CDH4: variants seen among roughly 807,000 people sequenced by gnomAD.
CDH4 encodes cadherin-4.
A neutral mutation model predicts 86.0 loss-of-function variants in CDH4; 33 were observed. The observed-to-expected ratio is 0.38, with a 90% CI of 0.29 to 0.51. The LOEUF (loss-of-function observed/expected upper bound fraction) is 0.51, where lower values mean the gene tolerates loss of function less well. Ranked by LOEUF, CDH4 falls within the 20% of genes least tolerant of loss-of-function variation. The pLI, the probability that CDH4 is intolerant of heterozygous loss-of-function variation, is 0.86. For synonymous variants in CDH4, 555 were observed against 549.4 expected (o/e 1.01, Z -0.14); for missense variants, 1,114 against 1,307.4 (o/e 0.85, Z 2.28).
rs1321005599 is a variant in CDH4 at position 61,277,239 on chromosome 20, C to T, written c.169+22302C>T. Among the ~76,000 whole-genome samples, 3 of 152,204 alleles carry T rather than the reference C, an allele frequency of 2.0e-5. 1 individual carries two copies. The highest frequency in any genetic ancestry group is 2.9e-5 in the Non-Finnish European group (2 of 68,040). On this transcript the variant is annotated intron_variant, in intron 2 of 15. Coordinates refer to ENST00000614565, the MANE Select transcript of CDH4 (RefSeq NM_001794.5). ...GCCCTCTTTTGCGTCCTCTCCCTTC[C>T]CCTCTACCTGAGCTAAGTAAGATGA...
intron 6 of CDH4, among the ~76,000 whole-genome samples, chr20:61,861,483 A>T (rs903871998): frequency 6.6e-6 from 1 of 152,140 alleles, no homozygotes; most frequent in Non-Finnish European, 1.5e-5. Context: ...AGGCCAATGG[A>T]TGGTCTCCTG....
chr20:61,764,207 A>G (rs2088671861), intron 3 of CDH4, among the ~76,000 whole-genome samples: 1 of 152,226 alleles, frequency 6.6e-6, no homozygotes, highest in African/African-American at 2.4e-5. Flanking sequence ...TGGGGAGAGC[A>G]CAGGCCGCCG....
chr20:61,904,094 G>T (rs919073980), intron 8 of CDH4, among the ~76,000 whole-genome samples: 13 of 152,356 alleles, frequency 8.5e-5, no homozygotes, highest in African/African-American at 3.1e-4. Context: ...CCCAGCGGGG[G>T]ACAGCAGCCA....
At chr20:61,468,587 T>G (rs920149920) in intron 2 of CDH4, among the ~76,000 whole-genome samples, 3 of 152,110 alleles carry the variant, frequency 2.0e-5, no homozygotes, top group African/African-American at 7.2e-5. Flanking sequence ...AAATACACAA[T>G]TAAATTATTG....
intron 6 of CDH4, among the ~76,000 whole-genome samples, chr20:61,868,643 C>T (rs1411563822): frequency 2.0e-5 from 3 of 151,926 alleles, no homozygotes; most frequent in Non-Finnish European, 4.4e-5. Context: ...CCATGCTAAG[C>T]GGTGTCCTCC....
At chr20:61,664,850 TC>T (rs2087305376) in intron 2 of CDH4, among the ~76,000 whole-genome samples, 1 of 152,138 alleles carries the variant, frequency 6.6e-6, no homozygotes, top group African/African-American at 2.4e-5. Flanking sequence ...CGTCTTGGTG[TC>T]CACAATTTAG....
chr20:61,729,073 G>A (rs1226771449), intron 2 of CDH4, among the ~76,000 whole-genome samples: 1 of 152,040 alleles, frequency 6.6e-6, no homozygotes, highest in East Asian at 1.9e-4. Flanking sequence ...GGAATGACAA[G>A]CAAGGCTTTG....
At chr20:61,388,745 C>T (rs1421340983) in intron 2 of CDH4, among the ~76,000 whole-genome samples, 2 of 152,184 alleles carry the variant, frequency 1.3e-5, no homozygotes, top group African/African-American at 4.8e-5. Context: ...CATGTGTATG[C>T]GTGCGCAAAT....
At chr20:61,704,957 C>A (rs2087813874) in intron 2 of CDH4, among the ~76,000 whole-genome samples, 1 of 152,168 alleles carries the variant, frequency 6.6e-6, no homozygotes. Flanking sequence ...TTTGTGAATT[C>A]TCTAATAGTC....
In CDH4 at chr20:61,903,540, T is replaced by TTAAAAA. The variant is rs386394189; in HGVS notation, c.1189-6882_1189-6881insTAAAAA. Among the ~76,000 whole-genome samples, 47 of 90,878 alleles carry TTAAAAA rather than the reference T, an allele frequency of 5.2e-4. 2 individuals are homozygous for TTAAAAA. Among genetic ancestry groups the TTAAAAA allele is most frequent in the African/African-American group, 2.0e-3 (42 of 21,126 alleles). 59.6% of individuals were successfully genotyped at this position (90,878 alleles called of 152,430 possible). ...AGCGTGGGCAGCAGAAGAGACTCCA[T>TTAAAAA]AAAAAAAAAAAAAAAAAAAGTGTAA... On this transcript the variant is annotated intron_variant, in intron 8 of 15. Transcript: ENST00000614565.
At chr20:61,668,252 A>G (rs541860001) in intron 2 of CDH4, among the ~76,000 whole-genome samples, 4 of 152,216 alleles carry the variant, frequency 2.6e-5, no homozygotes, top group African/African-American at 4.8e-5. Context: ...TGTAGGTGCA[A>G]ATGGGTGTGT....
intron 2 of CDH4, among the ~76,000 whole-genome samples, chr20:61,304,214 G>A (rs769452578): frequency 1.6e-4 from 24 of 152,020 alleles, no homozygotes; most frequent in African/African-American, 5.1e-4. Context: ...CCCATCCTCC[G>A]AACGCAGTTC....
At chr20:61,673,941 A>C (rs1221993923) in intron 2 of CDH4, among the ~76,000 whole-genome samples, 2 of 152,206 alleles carry the variant, frequency 1.3e-5, no homozygotes, top group African/African-American at 4.8e-5. Context: ...CCAAATTGGC[A>C]CCCATTGAAA....
intron 2 of CDH4, among the ~76,000 whole-genome samples, chr20:61,625,403 A>G (rs1216871498): frequency 6.6e-6 from 1 of 151,904 alleles, no homozygotes; most frequent in Non-Finnish European, 1.5e-5. Flanking sequence ...TGGCATCTTT[A>G]TTATGGATTT....
intron 2 of CDH4, among the ~76,000 whole-genome samples, chr20:61,735,098 C>T (rs2088245658): frequency 6.6e-6 from 1 of 152,112 alleles, no homozygotes; most frequent in South Asian, 2.1e-4. Context: ...AGGAGGGACC[C>T]TGCCCTGGGC....
Position 61,923,718 on chromosome 20 carries a change from AC to A in CDH4, c.1628+15del, listed in dbSNP as rs774523655. 20 of 1,610,718 alleles carry A rather than the reference AC, an allele frequency of 1.2e-5. No individual in the cohort carries two copies. In the East Asian group the frequency reaches 4.5e-4, roughly 36 times the overall value. Reference sequence around the variant, plus strand: ...GCAGGCTGTGAGGTGGGTGCACAGGACATGCCTCGTCCCTGCCTGCAGCTTC... The same window carrying A: ...GCAGGCTGTGAGGTGGGTGCACAGGAATGCCTCGTCCCTGCCTGCAGCTTC... On this transcript the variant is annotated intron_variant, in intron 10 of 15. Coordinates refer to ENST00000614565, the MANE Select transcript of CDH4 (RefSeq NM_001794.5).
At chr20:61,839,674 GTC>G (rs1317838961) in intron 4 of CDH4, among the ~76,000 whole-genome samples, 1 of 151,666 alleles carries the variant, frequency 6.6e-6, no homozygotes, top group Non-Finnish European at 1.5e-5. Context: ...TGTGTATGGT[GTC>G]TGTGTGTATT....
At chr20:61,545,191 C>G (rs921581830) in intron 2 of CDH4, among the ~76,000 whole-genome samples, 2 of 152,364 alleles carry the variant, frequency 1.3e-5, no homozygotes, top group Non-Finnish European at 2.9e-5. Flanking sequence ...CTGTTTACTG[C>G]TCCCATGTGG....
chr20:61,919,592 T>C (rs1455236154), intron 9 of CDH4, among the ~76,000 whole-genome samples: 1 of 152,254 alleles, frequency 6.6e-6, no homozygotes, highest in Non-Finnish European at 1.5e-5. Context: ...CTCATGCTTC[T>C]TGGGGAAAGC....
Sources: gnomAD v4.1 joint callset for allele counts (sites outside exome capture counted in the v4.1 genomes callset) on GRCh38, gnomAD v4.1.1 for gene constraint, MANE v1.5 for transcripts, NCBI Gene and HGNC (gene_info 2026-07-23, HGNC 2026-07-21) for gene names.